Variants in GPC5 observed in about 807,000 individuals in gnomAD.
The protein encoded by GPC5 is glypican-5.
A neutral mutation model predicts 53.9 loss-of-function variants in GPC5; 47 were observed. The observed-to-expected ratio is 0.87, with a 90% CI of 0.69 to 1.11. The LOEUF is 1.11. GPC5 is among the 50% of genes most tolerant of loss of function. The pLI, the probability that GPC5 is intolerant of heterozygous loss-of-function variation, is 0.00. For synonymous variants in GPC5, 286 were observed against 263.3 expected (o/e 1.09, Z -0.84); for missense variants, 748 against 713.1 (o/e 1.05, Z -0.56).
rs183597307 is a variant in GPC5, at chr13:92,521,518, A to C, written c.1562-344764A>C. Reference sequence around the variant, plus strand: ...CTTTGACAAACCTGACAAAAACAAGAAATGGGGAAAGGATTCCCTATTTAA... The same window carrying C: ...CTTTGACAAACCTGACAAAAACAAGCAATGGGGAAAGGATTCCCTATTTAA... On this transcript the variant is annotated intron_variant, in intron 7 of 7. Coordinates refer to ENST00000377067, the MANE Select transcript of GPC5 (RefSeq NM_004466.6). 4.8e-3 allele frequency among the ~76,000 whole-genome samples: 735 copies of C among 152,230 alleles called. 8 individuals carry two copies. Among genetic ancestry groups the C allele is most frequent in the African/African-American group, 0.016 (660 of 41,560 alleles).
At chr13:92,702,313 A>G (rs1178297404) in intron 7 of GPC5, among the ~76,000 whole-genome samples, 1 of 152,050 alleles carries the variant, frequency 6.6e-6, no homozygotes, top group Non-Finnish European at 1.5e-5. Flanking sequence ...TGAATTCTTG[A>G]TTGGTCTATC....
intron 1 of GPC5, among the ~76,000 whole-genome samples, chr13:91,439,758 C>T (rs761558942): frequency 4.6e-5 from 7 of 152,194 alleles, no homozygotes; most frequent in Admixed American, 6.5e-5. Flanking sequence ...TTATCTTCTA[C>T]GTTCAGTGTA....
intron 7 of GPC5, among the ~76,000 whole-genome samples, chr13:92,541,049 A>G (rs1255804690): frequency 6.6e-6 from 1 of 151,930 alleles, no homozygotes; most frequent in Non-Finnish European, 1.5e-5. Context: ...AAGGACATAT[A>G]CATGTGGTTT....
intron 7 of GPC5, among the ~76,000 whole-genome samples, chr13:92,310,540 G>A (rs552182228): frequency 5.9e-5 from 9 of 152,102 alleles, no homozygotes; most frequent in Admixed American, 1.3e-4. Context: ...TTTCATGCTG[G>A]CTGAATTTGA....
chr13:91,533,645 A>T (rs1052826253), intron 2 of GPC5, among the ~76,000 whole-genome samples: 2 of 152,204 alleles, frequency 1.3e-5, no homozygotes, highest in Non-Finnish European at 2.9e-5. Flanking sequence ...TGGGAGCATT[A>T]AAAAAGGGTG....
At chr13:91,660,205 G>T (rs74104951) in intron 2 of GPC5, among the ~76,000 whole-genome samples, 3,885 of 152,338 alleles carry the variant, frequency 0.026, 172 homozygotes, top group African/African-American at 0.089. Context: ...ATTTGGGGCT[G>T]ATTGCTACAG....
chr13:92,178,003 T>C (rs1427977264), intron 7 of GPC5, among the ~76,000 whole-genome samples: 2 of 152,196 alleles, frequency 1.3e-5, no homozygotes, highest in Admixed American at 6.6e-5. Flanking sequence ...TAAACATTTC[T>C]GGAAGCTTGG....
intron 5 of GPC5, among the ~76,000 whole-genome samples, chr13:91,818,587 G>A (rs1031501396): frequency 6.6e-6 from 1 of 152,056 alleles, no homozygotes; most frequent in African/African-American, 2.4e-5. Flanking sequence ...AAAATGCTGG[G>A]TCTCATTAGA....
chr13:91,901,325 G>A (rs901641117), intron 5 of GPC5, among the ~76,000 whole-genome samples: 7 of 152,026 alleles, frequency 4.6e-5, no homozygotes, highest in African/African-American at 1.7e-4. Context: ...CAATTGAAGT[G>A]AGATAGTGGG....
intron 2 of GPC5, among the ~76,000 whole-genome samples, chr13:91,627,529 T>A (rs1359052818): frequency 2.0e-5 from 3 of 152,040 alleles, no homozygotes; most frequent in African/African-American, 7.2e-5. Flanking sequence ...GACATATCTA[T>A]TAGGAATAGG....
chr13:91,990,553 T>G (rs959925568), intron 6 of GPC5, among the ~76,000 whole-genome samples: 1 of 152,190 alleles, frequency 6.6e-6, no homozygotes, highest in African/African-American at 2.4e-5. Context: ...CCTAGTGATA[T>G]TGTTCTTATA....
intron 7 of GPC5, among the ~76,000 whole-genome samples, chr13:92,742,523 T>C (rs9523798): frequency 0.31 from 42,082 of 135,692 alleles, 7,612 homozygotes; most frequent in East Asian, 0.83. Flanking sequence ...TTCTCCCATG[T>C]TGTAGGTTGC....
intron 7 of GPC5, among the ~76,000 whole-genome samples, chr13:92,645,939 T>C (rs980199417): frequency 2.6e-5 from 4 of 152,076 alleles, no homozygotes; most frequent in Non-Finnish European, 5.9e-5. Context: ...TTTTCTGATA[T>C]ATGATTTGCA....
chr13:92,286,616 T>G (rs2042956676), intron 7 of GPC5, among the ~76,000 whole-genome samples: 1 of 151,996 alleles, frequency 6.6e-6, no homozygotes. Context: ...ACCATTATTC[T>G]CAGCAAACTA....
intron 2 of GPC5, among the ~76,000 whole-genome samples, chr13:91,654,038 C>A (rs1438840607): frequency 6.6e-6 from 1 of 152,120 alleles, no homozygotes; most frequent in Non-Finnish European, 1.5e-5. Flanking sequence ...ATGTTAAATG[C>A]ATCTCTAATG....
chr13:92,212,334 A>G (rs146771287), intron 7 of GPC5, among the ~76,000 whole-genome samples: 1 of 152,300 alleles, frequency 6.6e-6, no homozygotes, highest in African/African-American at 2.4e-5. Context: ...AGGACTGTCT[A>G]GAGCTCTGAA....
chr13:92,697,112 A>T (rs8001017), intron 7 of GPC5, among the ~76,000 whole-genome samples: 80,953 of 149,214 alleles, frequency 0.54, 22,847 homozygotes, highest in East Asian at 0.83. Flanking sequence ...CTTGTAGCAT[A>T]GTTTGAAGTC....
intron 7 of GPC5, among the ~76,000 whole-genome samples, chr13:92,632,162 TA>T (rs1439915259): frequency 6.6e-6 from 1 of 152,108 alleles, no homozygotes; most frequent in African/African-American, 2.4e-5. Flanking sequence ...GCATTGAAAT[TA>T]AATAAAATTA....
At chr13:92,657,440 T>C (rs1312866388) in intron 7 of GPC5, among the ~76,000 whole-genome samples, 1 of 152,114 alleles carries the variant, frequency 6.6e-6, no homozygotes, top group Non-Finnish European at 1.5e-5. Context: ...TTACTCCAAG[T>C]CTAGATCCCA....
Sources: gnomAD v4.1 joint callset for allele counts (sites outside exome capture counted in the v4.1 genomes callset) on GRCh38, gnomAD v4.1.1 for gene constraint, MANE v1.5 for transcripts, NCBI Gene and HGNC (gene_info 2026-07-23, HGNC 2026-07-21) for gene names.